The following ADTRP variants were observed in gnomAD, a reference collection of about 807,000 sequenced individuals.
ADTRP encodes the protein androgen-dependent TFPI-regulating protein.
Under a neutral mutation model 27.0 loss-of-function variants are expected in ADTRP, and 20 were observed. The ratio of observed to expected loss-of-function variants is 0.74; its 90% confidence interval spans 0.52 to 1.08. The LOEUF is 1.08. Ranked by LOEUF, ADTRP falls within the 50% of genes least tolerant of loss-of-function variation. ADTRP has a pLI of 0.00. For synonymous variants in ADTRP, 101 were observed against 105.2 expected (o/e 0.96, Z 0.25); for missense variants, 251 against 275.0 (o/e 0.91, Z 0.62).
intron 1 of ADTRP, among the ~76,000 whole-genome samples, chr6:11,777,503 A>G (rs2113366480): frequency 7.4e-6 from 1 of 135,032 alleles, no homozygotes; most frequent in South Asian, 2.3e-4. Context: ...GTTGTTGTTT[A>G]CTGTGGCACT....
At chr6:11,735,740 C>T in intron 3 of ADTRP, 57 bp from the exon 4 acceptor site, 1 of 1,178,968 alleles carries the variant, frequency 8.5e-7, no homozygotes, top group Non-Finnish European at 1.3e-6. Context: ...GCCTACAGTG[C>T]CCATAATTCT....
chr6:11,774,940 T>A (rs774504921), intron 1 of ADTRP, among the ~76,000 whole-genome samples: 1 of 152,194 alleles, frequency 6.6e-6, no homozygotes, highest in African/African-American at 2.4e-5. Context: ...AGGACACCCA[T>A]GGCACTGCCT....
intron 3 of ADTRP, among the ~76,000 whole-genome samples, chr6:11,749,854 C>A (rs1762985843): frequency 6.6e-6 from 1 of 152,204 alleles, no homozygotes; most frequent in Non-Finnish European, 1.5e-5. Context: ...GCTTGAGTGA[C>A]AACATCTGCC....
intron 3 of ADTRP, among the ~76,000 whole-genome samples, chr6:11,739,531 G>A (rs1371401543): frequency 6.6e-6 from 1 of 152,102 alleles, no homozygotes. Flanking sequence ...ATTGATTTAA[G>A]TATTAGTGTA....
intron 2 of ADTRP, among the ~76,000 whole-genome samples, chr6:11,767,432 T>G (rs937371872): frequency 6.6e-6 from 1 of 152,214 alleles, no homozygotes; most frequent in Non-Finnish European, 1.5e-5. Flanking sequence ...GTATCCTTGC[T>G]TTGTTATCAG....
At chr6:11,715,645 T>C (rs1461194263) in intron 5 of ADTRP, among the ~76,000 whole-genome samples, 1 of 118,472 alleles carries the variant, frequency 8.4e-6, no homozygotes, top group Non-Finnish European at 1.7e-5. Flanking sequence ...CTTCTGTTTT[T>C]CCCTTTTTTT....
intron 5 of ADTRP, among the ~76,000 whole-genome samples, chr6:11,722,053 G>T (rs1302681068): frequency 2.0e-5 from 3 of 151,942 alleles, no homozygotes; most frequent in Admixed American, 6.6e-5. Context: ...ATTTGGGGAG[G>T]CATCAGAAAT....
intron 3 of ADTRP, chr6:11,735,884 A>G (rs9462058): frequency 0.15 from 78,711 of 517,882 alleles, 6,676 homozygotes; most frequent in Admixed American, 0.19. Context: ...TCTGGCTACC[A>G]AGGACTTTGC....
intron 1 of ADTRP, 152 bp from the exon 2 acceptor site, chr6:11,768,535 G>T: frequency 9.8e-7 from 1 of 1,020,046 alleles, no homozygotes; most frequent in Non-Finnish European, 1.4e-6. Context: ...CAAGGGCTGG[G>T]CTTCCAGCTC....
At position 11,714,377 on chromosome 6, in the gene ADTRP, C is replaced by T; in HGVS notation, c.*101G>A. 7.3e-7 allele frequency: 1 copy of T among 1,363,998 alleles called. No individual in the cohort carries two copies. The highest frequency in any genetic ancestry group is 1.0e-6 in the Non-Finnish European group (1 of 979,504). 84.5% of individuals were successfully genotyped at this position (1,363,998 alleles called of 1,614,324 possible). A position where few individuals can be genotyped will look rare whatever the true frequency, so the allele number is the denominator to read the frequency against. On this transcript the variant is annotated 3_prime_UTR_variant, in exon 6 of 6. Transcript: ENST00000414691. ...ATCACTCTCTGTCCCTCCTACTTTG[C>T]TATGTTCCTCCACCACCTCCCTCCA...
Position 11,778,229 on chromosome 6 carries a change from C to T in ADTRP, c.153+378G>A, listed in dbSNP as rs947800614. 5.9e-5 allele frequency among the ~76,000 whole-genome samples: 9 copies of T among 152,332 alleles called. No individual in the cohort carries two copies. In the South Asian group the frequency reaches 6.2e-4, roughly 11 times the overall value. Reference sequence around the variant, plus strand: ...GAAATTACACTTCCTACACACCATACGCCACTCTGCCTTCTCTTCACAGAC... The same window carrying T: ...GAAATTACACTTCCTACACACCATATGCCACTCTGCCTTCTCTTCACAGAC... On this transcript the variant is annotated intron_variant, in intron 1 of 5. Transcript: ENST00000414691.
intron 3 of ADTRP, among the ~76,000 whole-genome samples, chr6:11,756,919 TTA>T (rs1308784752): frequency 6.6e-6 from 1 of 152,176 alleles, no homozygotes. Context: ...AGGTTGACAT[TTA>T]TGTCTCCAGG....
chr6:11,752,550 A>G (rs1185585247), intron 3 of ADTRP, among the ~76,000 whole-genome samples: 1 of 152,160 alleles, frequency 6.6e-6, no homozygotes, highest in Non-Finnish European at 1.5e-5. Flanking sequence ...TTTCAACCAG[A>G]TGGGGGTGAT....
intron 3 of ADTRP, among the ~76,000 whole-genome samples, chr6:11,742,146 C>T (rs1762739593): frequency 6.6e-6 from 1 of 152,108 alleles, no homozygotes; most frequent in Admixed American, 6.5e-5. Flanking sequence ...TTTAATGTTG[C>T]TACTCCCCAG....
At chr6:11,769,019 C>A (rs903864072) in intron 1 of ADTRP, among the ~76,000 whole-genome samples, 1 of 151,728 alleles carries the variant, frequency 6.6e-6, no homozygotes, top group African/African-American at 2.4e-5. Context: ...AAGCCATGAG[C>A]GCTGGTGGGT....
Position 11,760,006 on chromosome 6 carries a change from G to A in ADTRP, c.390+6268C>T, listed in dbSNP as rs145611651. 3.5e-4 allele frequency among the ~76,000 whole-genome samples: 53 copies of A among 152,270 alleles called. 1 individual carries two copies. In the East Asian group the frequency reaches 7.7e-3, roughly 22 times the overall value. The stretch of plus-strand genomic sequence containing the variant: ...GAGTCTCCTCCACAGACTCCAGAAC[G>A]AATGCCACTCTGCTGGTACATGGAT... On this transcript the variant is annotated intron_variant, in intron 3 of 5. Transcript: ENST00000414691.
intron 4 of ADTRP, among the ~76,000 whole-genome samples, chr6:11,724,367 C>T (rs766935364): frequency 2.0e-5 from 3 of 152,152 alleles, no homozygotes; most frequent in Non-Finnish European, 4.4e-5. Flanking sequence ...CTGATTTTCA[C>T]TCATGCATAT....
chr6:11,759,164 G>C (rs1207875340), intron 3 of ADTRP, among the ~76,000 whole-genome samples: 3 of 152,140 alleles, frequency 2.0e-5, no homozygotes. Context: ...GTCTTTTGTT[G>C]GGCCCCTTGG....
chr6:11,726,805 C>T (rs924545285), intron 4 of ADTRP, among the ~76,000 whole-genome samples: 2 of 152,094 alleles, frequency 1.3e-5, no homozygotes, highest in African/African-American at 4.8e-5. Context: ...CACTTAAAAT[C>T]GTTAAAGTTG....
Sources: allele counts gnomAD v4.1 joint callset (sites outside exome capture counted in the v4.1 genomes callset), GRCh38; gene constraint gnomAD v4.1.1; transcripts MANE v1.5; gene names NCBI Gene and HGNC (gene_info 2026-07-23, HGNC 2026-07-21).